SLC10A7: variants seen among roughly 807,000 people sequenced by gnomAD.
SLC10A7 encodes the protein solute carrier family 10 member 7, also known as sodium/bile acid cotransporter 7.
In SLC10A7, 29 loss-of-function variants were observed where a neutral mutation model predicts 43.2. The ratio of observed to expected loss-of-function variants is 0.67; its 90% CI spans 0.50 to 0.92. The LOEUF is 0.92. Among genes scored for constraint, SLC10A7 ranks in the 40% least tolerant of loss-of-function variants. The probability of loss-of-function intolerance (pLI) is 0.00; values close to 1 mark genes in which losing one functional copy is unlikely to be tolerated. For missense variants in SLC10A7, 295 were observed against 403.2 expected (o/e 0.73, Z 2.30); for synonymous variants, 152 against 144.8 (o/e 1.05, Z -0.35).
At chr4:146,341,105 A>T (rs1734234570) in intron 5 of SLC10A7, among the ~76,000 whole-genome samples, 1 of 151,914 alleles carries the variant, frequency 6.6e-6, no homozygotes, top group African/African-American at 2.4e-5. Context: ...ATAAAATGTC[A>T]TGGAATTTTA....
At chr4:146,355,533 T>C (rs1386813091) in intron 5 of SLC10A7, among the ~76,000 whole-genome samples, 1 of 151,538 alleles carries the variant, frequency 6.6e-6, no homozygotes, top group African/African-American at 2.4e-5. Context: ...GCCATCCCAT[T>C]ACTGGGTATA....
chr4:146,498,087 A>G (rs1207835340), intron 4 of SLC10A7, among the ~76,000 whole-genome samples: 2 of 152,070 alleles, frequency 1.3e-5, no homozygotes, highest in Non-Finnish European at 2.9e-5. Flanking sequence ...TTTTGGAAAT[A>G]AAATTAGGAT....
At chr4:146,351,459 C>T (rs1341178662) in intron 5 of SLC10A7, among the ~76,000 whole-genome samples, 1 of 151,744 alleles carries the variant, frequency 6.6e-6, no homozygotes, top group African/African-American at 2.4e-5. Flanking sequence ...GGAAAACACT[C>T]TGCAGGATAT....
At chr4:146,339,287 C>T (rs1448312738) in intron 5 of SLC10A7, among the ~76,000 whole-genome samples, 1 of 151,898 alleles carries the variant, frequency 6.6e-6, no homozygotes, top group African/African-American at 2.4e-5. Context: ...TCCTTTTGGA[C>T]GTGTCTAAAT....
In SLC10A7 at chr4:146,444,894, G is replaced by A. The variant is rs75986745; in HGVS notation, c.397-2073C>T. ...GGCTCAACAGCAACCGATAATTAAGGTAATAGTTGGCTCAATTCTGTGGTT... is the reference window on the plus strand; with the variant it reads ...GGCTCAACAGCAACCGATAATTAAGATAATAGTTGGCTCAATTCTGTGGTT... On this transcript the variant is annotated intron_variant, in intron 4 of 11. Coordinates refer to ENST00000335472, the MANE Select transcript of SLC10A7 (RefSeq NM_001029998.6). Among the ~76,000 whole-genome samples the A allele has an allele frequency of 4.2e-4, 64 of 152,278 alleles. No homozygotes were observed. In the East Asian group the frequency reaches 0.012, roughly 29 times the overall value.
At chr4:146,390,903 C>T (rs2679128) in intron 5 of SLC10A7, among the ~76,000 whole-genome samples, 1,835 of 151,786 alleles carry the variant, frequency 0.012, 34 homozygotes, top group African/African-American at 0.041. Flanking sequence ...GTGGGAAATA[C>T]GGAAGCAAGA....
At chr4:146,479,832 GT>G (rs1229411774) in intron 4 of SLC10A7, among the ~76,000 whole-genome samples, 3 of 152,142 alleles carry the variant, frequency 2.0e-5, no homozygotes, top group African/African-American at 4.8e-5. Flanking sequence ...AATATCTTTT[GT>G]TTAGACTGTT....
intron 5 of SLC10A7, among the ~76,000 whole-genome samples, chr4:146,401,486 T>A (rs562757756): frequency 1.5e-3 from 221 of 152,286 alleles, no homozygotes; most frequent in African/African-American, 5.2e-3. Flanking sequence ...GAGACCTGCA[T>A]AACCACACTG....
chr4:146,327,876 A>G (rs1020464783), intron 5 of SLC10A7, among the ~76,000 whole-genome samples: 1 of 151,970 alleles, frequency 6.6e-6, no homozygotes, highest in Non-Finnish European at 1.5e-5. Context: ...CTCTGCCTGC[A>G]CTGGCACATG....
At chr4:146,433,089 C>T (rs1047557412) in intron 5 of SLC10A7, among the ~76,000 whole-genome samples, 1 of 151,114 alleles carries the variant, frequency 6.6e-6, no homozygotes, top group Non-Finnish European at 1.5e-5. Context: ...CACCCATATA[C>T]ACACAAAACA....
rs879748833 is a variant in SLC10A7, at chr4:146,353,982, C to G, written c.436-27986G>C. Among the ~76,000 whole-genome samples the G allele has an allele frequency of 5.5e-3, 809 of 147,004 alleles. 6 individuals are homozygous for G. Among genetic ancestry groups the G allele is most frequent in the Non-Finnish European group, 8.5e-3 (566 of 66,762 alleles). On this transcript the variant is annotated intron_variant, in intron 5 of 11. Transcript: ENST00000335472. ...ATTCCCTTTGAAAACTGGCACAAGA[C>G]AGGGATGCCCTCTTTCACCACTCCT...
intron 5 of SLC10A7, among the ~76,000 whole-genome samples, chr4:146,350,063 A>T (rs570837241): frequency 6.6e-6 from 1 of 152,054 alleles, no homozygotes; most frequent in East Asian, 1.9e-4. Flanking sequence ...TCCCGTCTAC[A>T]GCTCCCAGCG....
chr4:146,469,519 T>C (rs1303239404), intron 4 of SLC10A7, among the ~76,000 whole-genome samples: 2 of 152,216 alleles, frequency 1.3e-5, no homozygotes, highest in East Asian at 3.8e-4. Flanking sequence ...ATGTGATGAA[T>C]TCCTACTGTG....
intron 5 of SLC10A7, among the ~76,000 whole-genome samples, chr4:146,379,387 T>C (rs2149789437): frequency 6.6e-6 from 1 of 152,298 alleles, no homozygotes; most frequent in Non-Finnish European, 1.5e-5. Flanking sequence ...ATCAGACGCT[T>C]CAGTAACATC....
chr4:146,435,062 A>G (rs527971470), intron 5 of SLC10A7, among the ~76,000 whole-genome samples: 128 of 152,300 alleles, frequency 8.4e-4, no homozygotes, highest in African/African-American at 3.1e-3. Context: ...AACTGAGCAT[A>G]CAGTAGGAAG....
intron 5 of SLC10A7, among the ~76,000 whole-genome samples, chr4:146,411,197 A>G (rs969444606): frequency 7.2e-5 from 11 of 152,218 alleles, no homozygotes; most frequent in African/African-American, 2.6e-4. Context: ...AAACTTCCTT[A>G]AGTGTCTTGA....
intron 4 of SLC10A7, among the ~76,000 whole-genome samples, chr4:146,467,530 TG>T (rs1255932318): frequency 6.6e-6 from 1 of 150,650 alleles, no homozygotes; most frequent in African/African-American, 2.4e-5. Flanking sequence ...CTCCTTAGCA[TG>T]TTTTTTTGCC....
chr4:146,345,575 T>C (rs566382331), intron 5 of SLC10A7, among the ~76,000 whole-genome samples: 5 of 152,114 alleles, frequency 3.3e-5, no homozygotes, highest in African/African-American at 9.7e-5. Flanking sequence ...ATCAAGGAAG[T>C]CTTTCTGCCA....
chr4:146,349,110 T>G (rs1560821463), intron 5 of SLC10A7, among the ~76,000 whole-genome samples: 1 of 152,228 alleles, frequency 6.6e-6, no homozygotes, highest in African/African-American at 2.4e-5. Flanking sequence ...TGATTTTTGC[T>G]GGTTTTAGTG....
Sources: allele counts gnomAD v4.1 joint callset (sites outside exome capture counted in the v4.1 genomes callset), GRCh38; gene constraint gnomAD v4.1.1; transcripts MANE v1.5; gene names NCBI Gene and HGNC (gene_info 2026-07-23, HGNC 2026-07-21).